The following BUB3 variants were observed in gnomAD, a reference collection of about 807,000 sequenced individuals.
BUB3 encodes BUB3 mitotic checkpoint protein, also known as mitotic checkpoint protein BUB3.
BUB3 carries 22 observed loss-of-function variants against 39.9 expected under a neutral mutation model. The ratio of observed to expected loss-of-function variants is 0.55; its 90% CI spans 0.39 to 0.79. The LOEUF (loss-of-function observed/expected upper bound fraction) is 0.79, where lower values mean the gene tolerates loss of function less well. Ranked by LOEUF, BUB3 falls within the 30% of genes least tolerant of loss-of-function variation. BUB3 has a pLI of 0.00. For missense variants in BUB3, 303 were observed against 415.4 expected (o/e 0.73, Z 2.35); for synonymous variants, 168 against 155.1 (o/e 1.08, Z -0.62).
In BUB3 at chr10:123,160,392, G is replaced by T; in HGVS notation, c.418-15G>T. ...AAGAAGGTGATTTTTAGCAAGTTTT[G>T]ATCTTTTTTAAAAGGTATATACCCT... On this transcript the variant is annotated splice_polypyrimidine_tract_variant and intron_variant, in intron 4 of 7. Transcript: ENST00000368865. 1 of 1,502,106 alleles carries T rather than the reference G, an allele frequency of 6.7e-7. No individual in the cohort carries two copies. The allele number at this position is 1,502,106 out of a possible 1,614,324, so 93.0% of individuals were successfully genotyped here.
Position 123,164,080 on chromosome 10 carries a change from G to GAGA in BUB3, c.*246_*247insGAA. 4.2e-6 allele frequency: 5 copies of GAGA among 1,189,580 alleles called. No homozygotes were observed. Among genetic ancestry groups the GAGA allele is most frequent in the Non-Finnish European group, 5.2e-6 (5 of 960,972 alleles). The allele number at this position is 1,189,580 out of a possible 1,614,324, so 73.7% of individuals were successfully genotyped here. ...GGGCAAACAAAATTGGAGGGCAAGT[G>GAGA]ACTGCAGTTTTGAGAATCAGTTTTG... On this transcript the variant is annotated 3_prime_UTR_variant, in exon 8 of 8. Coordinates refer to ENST00000368865, the MANE Select transcript of BUB3 (RefSeq NM_004725.4).
intron 2 of BUB3, 88 bp from the exon 3 acceptor site, chr10:123,155,570 C>T (rs1844339033): frequency 7.8e-7 from 1 of 1,275,766 alleles, no homozygotes; most frequent in Admixed American, 1.8e-5. Context: ...ATATCCCGAG[C>T]ATAAACTGAA....
chr10:123,156,953 C>G (rs1288253555), intron 3 of BUB3, among the ~76,000 whole-genome samples: 1 of 152,026 alleles, frequency 6.6e-6, no homozygotes, highest in East Asian at 1.9e-4. Flanking sequence ...CTGTGTTGTC[C>G]AGGATGGTCT....
Position 123,166,192 on chromosome 10 carries a change from C to T in BUB3, c.*2357C>T, listed in dbSNP as rs1028958812. 6.6e-6 allele frequency: 1 copy of T among 152,200 alleles called. No homozygotes were observed. 9.4% of individuals were successfully genotyped at this position (152,200 alleles called of 1,614,324 possible). ...GGCCTTCTCATTGGTTTCCCTCACCCACATTCTTTAAGTGTCTCTTCTGTT... is the reference window on the plus strand; with the variant it reads ...GGCCTTCTCATTGGTTTCCCTCACCTACATTCTTTAAGTGTCTCTTCTGTT... On this transcript the variant is annotated 3_prime_UTR_variant, in exon 8 of 8. Transcript: ENST00000368865.
In BUB3 at chr10:123,169,312, A is replaced by G. The variant is rs187932104; in HGVS notation, c.*5477A>G. ...ATGCACTTAATATGAAATTTTGCCCATGATTTATTTTTTACCTTATTTTTA... is the reference window on the plus strand; with the variant it reads ...ATGCACTTAATATGAAATTTTGCCCGTGATTTATTTTTTACCTTATTTTTA... On this transcript the variant is annotated 3_prime_UTR_variant, in exon 8 of 8. Transcript: ENST00000368865. 171 of 152,360 alleles carry G rather than the reference A, an allele frequency of 1.1e-3. 1 individual carries two copies. The highest frequency in any genetic ancestry group is 3.2e-3 in the African/African-American group (132 of 41,590). The allele number at this position is 152,360 out of a possible 1,614,324, so 9.4% of individuals were successfully genotyped here. A position where few individuals can be genotyped will look rare whatever the true frequency, so the allele number is the denominator to read the frequency against.
chr10:123,167,943 T>G lies in BUB3; in HGVS notation c.*4108T>G, dbSNP rs1476731140. The G allele has an allele frequency of 6.6e-6, 1 of 152,156 alleles. No individual in the cohort carries two copies. The allele number at this position is 152,156 out of a possible 1,614,324, so 9.4% of individuals were successfully genotyped here. A position where few individuals can be genotyped will look rare whatever the true frequency, so the allele number is the denominator to read the frequency against. On this transcript the variant is annotated 3_prime_UTR_variant, in exon 8 of 8. Transcript: ENST00000368865. The stretch of plus-strand genomic sequence containing the variant: ...AAGTTGACAAATTACATTTACAAAT[T>G]TATGTAATTTTTTACGCTTTTTTTT...
chr10:123,156,580 C>G (rs1844349987), intron 3 of BUB3, among the ~76,000 whole-genome samples: 1 of 152,218 alleles, frequency 6.6e-6, no homozygotes, highest in African/African-American at 2.4e-5. Context: ...AGTAGCTTAC[C>G]CTGTGTAATA....
At position 123,167,317 on chromosome 10, in the gene BUB3, A is replaced by G. The variant is rs1844504948; in HGVS notation, c.*3482A>G. ...TTCAGGATTTAATTTGAATCCTGCA[A>G]AGTCCTGTTCAAGGCCCCCTTTTCC... is the stretch of plus-strand genomic sequence containing the variant. On this transcript the variant is annotated 3_prime_UTR_variant, in exon 8 of 8. Transcript: ENST00000368865. The G allele has an allele frequency of 6.6e-6, 1 of 152,154 alleles. No homozygotes were observed. Among genetic ancestry groups the G allele is most frequent in the African/African-American group, 2.4e-5 (1 of 41,424 alleles). The allele number at this position is 152,154 out of a possible 1,614,324, so 9.4% of individuals were successfully genotyped here.
chr10:123,164,154 A>T lies in BUB3; in HGVS notation c.*319A>T. On this transcript the variant is annotated 3_prime_UTR_variant, in exon 8 of 8. Transcript: ENST00000368865. ...CTGTGGAAATAAATGTTTGTAAATA[A>T]GTGTAATAAAAATCCCTTTGCATTC... 9.5e-7 allele frequency: 1 copy of T among 1,053,354 alleles called. No individual in the cohort carries two copies. The highest frequency in any genetic ancestry group is 1.1e-6 in the Non-Finnish European group (1 of 875,450). 65.3% of individuals were successfully genotyped at this position (1,053,354 alleles called of 1,614,324 possible).
rs374115873 is a variant in BUB3 at position 123,154,428 on chromosome 10, G to A, written c.-58G>A. 8.3e-4 allele frequency: 129 copies of A among 154,754 alleles called. No homozygotes were observed. In the South Asian group the frequency reaches 0.024, roughly 28 times the overall value. 9.6% of individuals were successfully genotyped at this position (154,754 alleles called of 1,614,324 possible). The stretch of plus-strand genomic sequence containing the variant: ...AGTGTTCTGAGGGAAGCAAGGAGGC[G>A]GCGGCGGCCGCAGCGAGTGGCGAGT... On this transcript the variant is annotated 5_prime_UTR_variant, in exon 1 of 8. Transcript: ENST00000368865.
chr10:123,157,971 A>T (rs992532387), intron 4 of BUB3, 91 bp downstream of exon 4: 3 of 1,344,714 alleles, frequency 2.2e-6, no homozygotes, highest in Non-Finnish European at 2.9e-6. Context: ...TTGAATTTAA[A>T]GGTGAAAAGT....
intron 3 of BUB3, 132 bp downstream of exon 3, chr10:123,155,859 A>T: frequency 1.4e-6 from 1 of 721,098 alleles, no homozygotes; most frequent in Non-Finnish European, 2.3e-6. Context: ...TGAATTTAGG[A>T]TTTTTTTAAT....
rs904857279 is a variant in BUB3, at chr10:123,169,873, A to C, written c.*6038A>C. The stretch of plus-strand genomic sequence containing the variant: ...AAGTTAATTTGTGAGCCTGGGCAAC[A>C]TGGCGTGACCCATCTCTACAAAAGA... On this transcript the variant is annotated 3_prime_UTR_variant, in exon 8 of 8. Transcript: ENST00000368865. The C allele has an allele frequency of 6.6e-6, 1 of 152,218 alleles. No homozygotes were observed. Among genetic ancestry groups the C allele is most frequent in the African/African-American group, 2.4e-5 (1 of 41,432 alleles). 9.4% of individuals were successfully genotyped at this position (152,218 alleles called of 1,614,324 possible).
At chr10:123,159,751 C>T (rs1479724394) in intron 4 of BUB3, among the ~76,000 whole-genome samples, 1 of 152,138 alleles carries the variant, frequency 6.6e-6, no homozygotes, top group Non-Finnish European at 1.5e-5. Context: ...CATAGTATTA[C>T]ATCAGGGCAC....
chr10:123,156,526 A>G lies in BUB3; in HGVS notation c.265+799A>G, dbSNP rs554303766. The stretch of plus-strand genomic sequence containing the variant: ...TAGAAGAGGCTTTTGCATGAAAGCT[A>G]CTTCTTCTGTAACTTATACTGCAGG... On this transcript the variant is annotated intron_variant, in intron 3 of 7. Coordinates refer to ENST00000368865, the MANE Select transcript of BUB3 (RefSeq NM_004725.4). Among the ~76,000 whole-genome samples the G allele has an allele frequency of 3.9e-5, 6 of 152,196 alleles. No homozygotes were observed. The East Asian group carries it at 1.2e-3, about 29-fold the overall frequency.
chr10:123,155,086 G>C lies in BUB3; in HGVS notation c.169G>C (p.Gly57Arg). 5 of 1,613,986 alleles carry C rather than the reference G, an allele frequency of 3.1e-6. No individual in the cohort carries two copies. Among genetic ancestry groups the C allele is most frequent in the Non-Finnish European group, 4.2e-6 (5 of 1,180,000 alleles). The change falls in exon 2 of 8, where the codon GGC becomes CGC. Residue 57 changes from glycine (G) to arginine (R), a missense_variant. Physicochemically the swap from Gly to Arg is moderately radical, Grantham distance 125. Transcript: ENST00000368865. ...NSMRLKYQHT[G>R]AVLDCAFYDP... ...CATGCGGCTCAAGTACCAGCACACC[G>C]GCGCCGTCCTGGACTGCGCCTTCTA...
intron 5 of BUB3, among the ~76,000 whole-genome samples, chr10:123,161,031 A>G (rs1844415566): frequency 6.8e-6 from 1 of 147,148 alleles, no homozygotes; most frequent in Non-Finnish European, 1.5e-5. Context: ...GAACTTTGAT[A>G]GTTTTTTTTT....
At chr10:123,159,585 TAAAC>T (rs1025223232) in intron 4 of BUB3, among the ~76,000 whole-genome samples, 53 of 152,216 alleles carry the variant, frequency 3.5e-4, no homozygotes, top group African/African-American at 1.3e-3. Context: ...TATTTGCAAA[TAAAC>T]CACTAAATGT....
chr10:123,155,915 T>C (rs1467255213), intron 3 of BUB3, among the ~76,000 whole-genome samples, 188 bp downstream of exon 3: 1 of 152,250 alleles, frequency 6.6e-6, no homozygotes, highest in African/African-American at 2.4e-5. Flanking sequence ...ATTATGCATG[T>C]ATTTTTGCAG....
Sources: allele counts gnomAD v4.1 joint callset (sites outside exome capture counted in the v4.1 genomes callset), GRCh38; gene constraint gnomAD v4.1.1; transcripts MANE v1.5; gene names NCBI Gene and HGNC (gene_info 2026-07-23, HGNC 2026-07-21).